KCNH5: variants seen among roughly 807,000 people sequenced by gnomAD.
KCNH5 encodes the protein potassium voltage-gated channel subfamily H member 5, also known as voltage-gated delayed rectifier potassium channel KCNH5.
KCNH5 carries 46 observed loss-of-function variants against 96.1 expected under a neutral mutation model. That is an observed-to-expected ratio of 0.48 (90% CI 0.38 to 0.61). The LOEUF is 0.61. Among genes scored for constraint, KCNH5 ranks in the 20% least tolerant of loss-of-function variants. The probability of loss-of-function intolerance (pLI) is 0.00; values close to 1 mark genes in which losing one functional copy is unlikely to be tolerated. For synonymous variants in KCNH5, 439 were observed against 449.8 expected, an observed-to-expected ratio of 0.98 and a Z score of 0.30; for missense variants, 907 against 1,225.8, an observed-to-expected ratio of 0.74 and a Z score of 3.88.
intron 7 of KCNH5, among the ~76,000 whole-genome samples, chr14:62,882,919 T>C (rs928004368): frequency 6.6e-6 from 1 of 152,246 alleles, no homozygotes; most frequent in African/African-American, 2.4e-5. Flanking sequence ...CCTTTAGCTT[T>C]ATATTACTTC....
chr14:62,836,791 G>A (rs978173109), intron 8 of KCNH5, among the ~76,000 whole-genome samples: 8 of 151,980 alleles, frequency 5.3e-5, no homozygotes, highest in Admixed American at 5.3e-4. Flanking sequence ...TTTCATGAGG[G>A]CAAGGACCAT....
intron 7 of KCNH5, among the ~76,000 whole-genome samples, chr14:62,883,983 C>T (rs1418297180): frequency 6.6e-6 from 1 of 152,030 alleles, no homozygotes; most frequent in Non-Finnish European, 1.5e-5. Flanking sequence ...TATTCAGACA[C>T]AGAGATATAA....
chr14:62,717,227 T>A (rs1189303000), intron 10 of KCNH5, among the ~76,000 whole-genome samples: 2 of 152,144 alleles, frequency 1.3e-5, no homozygotes, highest in Non-Finnish European at 2.9e-5. Context: ...TAATCTATAG[T>A]TTTGATACAA....
chr14:62,970,044 T>TTAAAAAAAA (rs535103059), intron 6 of KCNH5, among the ~76,000 whole-genome samples: 1 of 30,406 alleles, frequency 3.3e-5, no homozygotes, highest in Non-Finnish European at 6.5e-5. Flanking sequence ...AGACTCCGTC[T>TTAAAAAAAA]AAAAAAAAAA....
intron 6 of KCNH5, among the ~76,000 whole-genome samples, chr14:62,967,876 T>C (rs927511761): frequency 6.6e-6 from 1 of 152,214 alleles, no homozygotes; most frequent in African/African-American, 2.4e-5. Context: ...CATCCCCTGA[T>C]GCTTAACAAT....
intron 7 of KCNH5, among the ~76,000 whole-genome samples, chr14:62,882,494 A>G (rs562528815): frequency 1.3e-5 from 2 of 152,274 alleles, no homozygotes; most frequent in East Asian, 3.9e-4. Flanking sequence ...TGCTTATTGT[A>G]TGACACTCAT....
At chr14:62,956,829 G>C (rs1429260854) in intron 6 of KCNH5, among the ~76,000 whole-genome samples, 2 of 152,020 alleles carry the variant, frequency 1.3e-5, no homozygotes, top group African/African-American at 4.8e-5. Flanking sequence ...ATGTACTTCT[G>C]CCTTTTTTAT....
intron 8 of KCNH5, among the ~76,000 whole-genome samples, chr14:62,811,131 T>C (rs1049108595): frequency 6.6e-6 from 1 of 152,178 alleles, no homozygotes; most frequent in Non-Finnish European, 1.5e-5. Flanking sequence ...AAATTCTTTA[T>C]GATATTCACT....
intron 10 of KCNH5, among the ~76,000 whole-genome samples, chr14:62,756,114 T>C (rs183907042): frequency 4.2e-4 from 64 of 151,560 alleles, no homozygotes; most frequent in East Asian, 2.5e-3. Flanking sequence ...AGTTCTAAGA[T>C]ACAAAATCAA....
chr14:62,972,952 T>A (rs1890436599), intron 6 of KCNH5, among the ~76,000 whole-genome samples: 1 of 152,152 alleles, frequency 6.6e-6, no homozygotes, highest in Non-Finnish European at 1.5e-5. Flanking sequence ...CATACTTCTG[T>A]CCAAACCCAT....
intron 9 of KCNH5, among the ~76,000 whole-genome samples, chr14:62,797,259 T>C (rs946196225): frequency 6.6e-6 from 1 of 152,220 alleles, no homozygotes; most frequent in East Asian, 1.9e-4. Context: ...TGAGGAACTC[T>C]AAAAGTGTAT....
chr14:62,835,979 T>C (rs1168666333), intron 8 of KCNH5, among the ~76,000 whole-genome samples: 2 of 152,062 alleles, frequency 1.3e-5, no homozygotes, highest in Admixed American at 6.6e-5. Flanking sequence ...TCTAGAATTC[T>C]GCCGAATTTA....
intron 1 of KCNH5, among the ~76,000 whole-genome samples, chr14:63,044,219 A>G (rs979012950): frequency 2.6e-5 from 4 of 152,236 alleles, no homozygotes; most frequent in African/African-American, 9.6e-5. Context: ...AAAAGAATTA[A>G]AAACAAGTAG....
At chr14:62,847,770 T>G (rs1412872183) in intron 8 of KCNH5, among the ~76,000 whole-genome samples, 1 of 152,262 alleles carries the variant, frequency 6.6e-6, no homozygotes, top group African/African-American at 2.4e-5. Flanking sequence ...ACTTTGCTAA[T>G]CAGAAGTACC....
At chr14:62,778,039 T>C (rs1335672758) in intron 10 of KCNH5, among the ~76,000 whole-genome samples, 1 of 152,226 alleles carries the variant, frequency 6.6e-6, no homozygotes, top group Non-Finnish European at 1.5e-5. Flanking sequence ...GCCCATTTTC[T>C]TTCACAGGAA....
At position 63,003,778 on chromosome 14, in the gene KCNH5, G is replaced by A. The variant is rs180919496; in HGVS notation, c.305-2319C>T. Among the ~76,000 whole-genome samples, 600 of 149,660 alleles carry A rather than the reference G, an allele frequency of 4.0e-3. 4 individuals are homozygous for A. The highest frequency in any genetic ancestry group is 0.013 in the African/African-American group (545 of 40,534). On this transcript the variant is annotated intron_variant, in intron 3 of 10. Transcript: ENST00000322893. ...GGGACTACAAGGCGCCTGCCACCACGCCCGGCTAATTTTTTGTATTTTTAG... is the reference window on the plus strand; with the variant it reads ...GGGACTACAAGGCGCCTGCCACCACACCCGGCTAATTTTTTGTATTTTTAG...
chr14:62,845,537 A>G (rs1887673540), intron 8 of KCNH5, among the ~76,000 whole-genome samples: 1 of 152,218 alleles, frequency 6.6e-6, no homozygotes, highest in African/African-American at 2.4e-5. Flanking sequence ...CAGACTATAC[A>G]GGGGACAAAG....
rs1595584977 is a variant in KCNH5 at position 62,701,672 on chromosome 14, C to T, written c.*5836G>A. ...AACAAGATGGTTTGGGCTGAAGATT[C>T]CAGCATGTAGTGTTGTAATATCTTG... On this transcript the variant is annotated 3_prime_UTR_variant, in exon 11 of 11. Coordinates refer to ENST00000322893, the MANE Select transcript of KCNH5 (RefSeq NM_139318.5). 1.3e-5 allele frequency: 2 copies of T among 152,200 alleles called. No individual in the cohort carries two copies. Among genetic ancestry groups the T allele is most frequent in the East Asian group, 3.9e-4 (2 of 5,184 alleles). The allele number at this position is 152,200 out of a possible 1,614,324, so 9.4% of individuals were successfully genotyped here.
intron 9 of KCNH5, among the ~76,000 whole-genome samples, chr14:62,781,007 G>T (rs61994851): frequency 2.0e-5 from 3 of 150,982 alleles, no homozygotes; most frequent in African/African-American, 4.9e-5. Context: ...AGAACTAACA[G>T]GAAAAAAAAA....
Sources: allele counts gnomAD v4.1 joint callset (sites outside exome capture counted in the v4.1 genomes callset), GRCh38; gene constraint gnomAD v4.1.1; transcripts MANE v1.5; gene names NCBI Gene and HGNC (gene_info 2026-07-23, HGNC 2026-07-21).